SCUBE1: variants seen among roughly 807,000 people sequenced by gnomAD.
SCUBE1 encodes the protein signal peptide, CUB and EGF-like domain-containing protein 1.
In SCUBE1, 59 loss-of-function variants were observed where a neutral mutation model predicts 124.4. That is an observed-to-expected ratio of 0.47 (90% CI 0.38 to 0.59). The LOEUF (loss-of-function observed/expected upper bound fraction) is 0.59, where lower values mean the gene tolerates loss of function less well. Among genes scored for constraint, SCUBE1 ranks in the 20% least tolerant of loss-of-function variants. SCUBE1 has a pLI of 0.00. For missense variants in SCUBE1, 1,150 were observed against 1,371.2 expected, an observed-to-expected ratio of 0.84 and a Z score of 2.55; for synonymous variants, 545 against 550.9, an observed-to-expected ratio of 0.99 and a Z score of 0.15.
intron 5 of SCUBE1, among the ~76,000 whole-genome samples, chr22:43,261,711 G>A (rs1057190777): frequency 6.6e-6 from 1 of 152,218 alleles, no homozygotes; most frequent in South Asian, 2.1e-4. Flanking sequence ...TTGGGAGTTG[G>A]AACTGGACAC....
intron 3 of SCUBE1, among the ~76,000 whole-genome samples, chr22:43,311,865 G>T (rs1209432573): frequency 4.6e-5 from 7 of 151,966 alleles, no homozygotes; most frequent in Admixed American, 2.0e-4. Flanking sequence ...TTATATCCTG[G>T]GTATTTAGGA....
rs1016450855 is a variant in SCUBE1, at chr22:43,210,550, G to A, written c.2384-310C>T. On this transcript the variant is annotated intron_variant, in intron 18 of 21. Transcript: ENST00000360835. The surrounding 1 kb of genome is among the most constrained non-coding windows in gnomAD (Gnocchi z 4.5). ...GTGGCTGGGCCTTGTCAGGGGCACT[G>A]AGAGGGCCTGGAGCCCTGCTCTCTC... Among the ~76,000 whole-genome samples, 8 of 152,202 alleles carry A rather than the reference G, an allele frequency of 5.3e-5. No individual in the cohort carries two copies. Among genetic ancestry groups the A allele is most frequent in the Admixed American group, 1.3e-4 (2 of 15,292 alleles).
intron 15 of SCUBE1, among the ~76,000 whole-genome samples, chr22:43,216,176 A>G (rs1921802272): frequency 6.6e-6 from 1 of 151,868 alleles, no homozygotes; most frequent in Non-Finnish European, 1.5e-5. Flanking sequence ...CCTCCCCAGT[A>G]GCTAGGATTG....
At chr22:43,320,652 C>T (rs1469997079) in intron 2 of SCUBE1, among the ~76,000 whole-genome samples, 1 of 152,184 alleles carries the variant, frequency 6.6e-6, no homozygotes, top group East Asian at 1.9e-4. Context: ...CCTAGTTAAC[C>T]TTGTCTGAGC....
rs1230514611 is a variant in SCUBE1 at position 43,198,428 on chromosome 22, C to A, written c.*5569G>T. 1 of 401,196 alleles carries A rather than the reference C, an allele frequency of 2.5e-6. No individual in the cohort carries two copies. The highest frequency in any genetic ancestry group is 2.0e-5 in the African/African-American group (1 of 48,850). The allele number at this position is 401,196 out of a possible 1,614,324, so 24.9% of individuals were successfully genotyped here. ...CCTGATGTCCTTTCCAAGAGCAAGG[C>A]AGGTGGGATCAGGCCAACCCCAGCT... On this transcript the variant is annotated 3_prime_UTR_variant, in exon 22 of 22. Transcript: ENST00000360835.
Position 43,203,362 on chromosome 22 carries a change from A to ATATATATATATTTATATATATATT in SCUBE1, c.*611_*634dup, listed in dbSNP as rs533167469. 18 of 148,116 alleles carry ATATATATATATTTATATATATATT rather than the reference A, an allele frequency of 1.2e-4. No individual in the cohort carries two copies. The highest frequency in any genetic ancestry group is 1.9e-4 in the East Asian group (1 of 5,140). The allele number at this position is 148,116 out of a possible 1,614,324, so 9.2% of individuals were successfully genotyped here. A position where few individuals can be genotyped will look rare whatever the true frequency, so the allele number is the denominator to read the frequency against. ...TCCTAAAGTACCCACAAATAGAAGT[A>ATATATATATATTTATATATATATT]TATATATATATTTATATATATATTT... On this transcript the variant is annotated 3_prime_UTR_variant, in exon 22 of 22. Coordinates refer to ENST00000360835, the MANE Select transcript of SCUBE1 (RefSeq NM_173050.5).
In SCUBE1 at chr22:43,264,610, G is replaced by A. The variant is rs143313972; in HGVS notation, c.485-1765C>T. 1.4e-3 allele frequency among the ~76,000 whole-genome samples: 210 copies of A among 152,344 alleles called. 1 individual carries two copies. Among genetic ancestry groups the A allele is most frequent in the African/African-American group, 3.1e-3 (130 of 41,586 alleles). On this transcript the variant is annotated intron_variant, in intron 4 of 21. Coordinates refer to ENST00000360835, the MANE Select transcript of SCUBE1 (RefSeq NM_173050.5). ...TGGCCAGCAAGCCATCTCCCTGACC[G>A]TTACTGACAGCTGTTGTCGGCGGTG...
chr22:43,291,560 G>A (rs1327391048), intron 3 of SCUBE1, among the ~76,000 whole-genome samples: 3 of 152,020 alleles, frequency 2.0e-5, no homozygotes, highest in African/African-American at 7.2e-5. Flanking sequence ...CAGTGGCACG[G>A]TGGGCCCCCA....
chr22:43,304,614 G>A (rs566106958), intron 3 of SCUBE1, among the ~76,000 whole-genome samples: 5 of 152,260 alleles, frequency 3.3e-5, no homozygotes, highest in Middle Eastern at 3.4e-3. Context: ...GTGTGTGTGT[G>A]TAATCTCTGG....
At chr22:43,270,304 C>T (rs939434187) in intron 4 of SCUBE1, 1 of 152,230 alleles carries the variant, frequency 6.6e-6, no homozygotes, top group Admixed American at 6.5e-5. Flanking sequence ...TGAAAACATC[C>T]AACACTGGAA....
rs760850170 is a variant in SCUBE1 at position 43,227,444 on chromosome 22, G to C, written c.1137C>G (p.Asn379Lys). The change falls in exon 10 of 22, where the codon AAC becomes AAG. Residue 379 changes from asparagine (N) to lysine (K), a missense_variant. Asn to Lys is a moderately conservative substitution (Grantham distance 94, BLOSUM62 0). Transcript: ENST00000360835. ...SNGSCDQGCVNTKGSYECVCP... is the reference protein window; with the variant it reads ...SNGSCDQGCVKTKGSYECVCP... ...AGACGCACTCGTAGCTGCCCTTGGT[G>C]TTGACGCAGCCCTGGTCACAGCTCC... is the stretch of plus-strand genomic sequence containing the variant. 6.2e-7 allele frequency: 1 copy of C among 1,613,298 alleles called. No individual in the cohort carries two copies. The highest frequency in any genetic ancestry group is 8.5e-7 in the Non-Finnish European group (1 of 1,179,938).
intron 10 of SCUBE1, among the ~76,000 whole-genome samples, chr22:43,225,934 C>T (rs2146673143): frequency 6.6e-6 from 1 of 152,300 alleles, no homozygotes; most frequent in African/African-American, 2.4e-5. Flanking sequence ...CCCAAACAAG[C>T]TCTTTCCCAA....
At chr22:43,296,701 T>G (rs896948315) in intron 3 of SCUBE1, among the ~76,000 whole-genome samples, 1 of 152,226 alleles carries the variant, frequency 6.6e-6, no homozygotes, top group Non-Finnish European at 1.5e-5. Flanking sequence ...CCACAGCCTC[T>G]TTTGATGTAC....
intron 19 of SCUBE1, among the ~76,000 whole-genome samples, chr22:43,209,378 C>T (rs976715305): frequency 2.6e-5 from 4 of 152,224 alleles, no homozygotes; most frequent in African/African-American, 7.2e-5. Context: ...TGGACAGGTG[C>T]GCTGCAGGTA....
At chr22:43,321,157 G>A (rs903333166) in intron 2 of SCUBE1, among the ~76,000 whole-genome samples, 1 of 152,242 alleles carries the variant, frequency 6.6e-6, no homozygotes, top group Non-Finnish European at 1.5e-5. Flanking sequence ...CTCACGAGAC[G>A]ACGGAGTAGG....
intron 4 of SCUBE1, 99 bp from the exon 5 acceptor site, chr22:43,262,944 C>A: frequency 7.5e-7 from 1 of 1,329,416 alleles, no homozygotes; most frequent in South Asian, 1.3e-5. Context: ...ATGTAACAAT[C>A]AAATGGGCTG....
chr22:43,272,295 ACAC>A (rs1924323366), intron 4 of SCUBE1: 1 of 151,988 alleles, frequency 6.6e-6, no homozygotes, highest in African/African-American at 2.4e-5. Context: ...CACCCACTCC[ACAC>A]GCTCGCAGCA....
chr22:43,242,505 G>C (rs1923046231), intron 6 of SCUBE1, among the ~76,000 whole-genome samples: 1 of 152,206 alleles, frequency 6.6e-6, no homozygotes. Flanking sequence ...TGGGCTCTGG[G>C]CCTTCCTCCT....
intron 3 of SCUBE1, among the ~76,000 whole-genome samples, chr22:43,300,973 C>T (rs1925750201): frequency 6.6e-6 from 1 of 152,258 alleles, no homozygotes; most frequent in African/African-American, 2.4e-5. Context: ...ACTCCCAAGT[C>T]CCCCTCCCAC....
Sources: gnomAD v4.1 joint callset for allele counts (sites outside exome capture counted in the v4.1 genomes callset) on GRCh38, gnomAD v4.1.1 for gene constraint, Gnocchi (gnomAD v3.1) non-coding constraint, MANE v1.5 for transcripts, NCBI Gene and HGNC (gene_info 2026-07-23, HGNC 2026-07-21) for gene names.